The following RAB3C variants were observed in gnomAD, a reference collection of about 807,000 sequenced individuals.
RAB3C encodes ras-related protein Rab-3C.
RAB3C carries 17 observed loss-of-function variants against 26.4 expected under a neutral mutation model. The observed-to-expected ratio is 0.64, with a 90% CI of 0.44 to 0.97. The LOEUF is 0.97. Ranked by LOEUF, RAB3C falls within the 50% of genes least tolerant of loss-of-function variation. The pLI is 0.00. For synonymous variants in RAB3C, 91 were observed against 95.9 expected, an observed-to-expected ratio of 0.95 and a Z score of 0.30; for missense variants, 242 against 281.9, an observed-to-expected ratio of 0.86 and a Z score of 1.01.
At chr5:58,781,745 T>C (rs2112002488) in intron 3 of RAB3C, among the ~76,000 whole-genome samples, 1 of 152,160 alleles carries the variant, frequency 6.6e-6, no homozygotes, top group Middle Eastern at 3.4e-3. Flanking sequence ...ACCTACACTG[T>C]ATCTCTTCTC....
Position 58,583,319 on chromosome 5 carries a change from G to A in RAB3C, c.24+87G>A, listed in dbSNP as rs572186377. On this transcript the variant is annotated intron_variant, in intron 1 of 4. Coordinates refer to ENST00000282878, the MANE Select transcript of RAB3C (RefSeq NM_138453.4). The stretch of plus-strand genomic sequence containing the variant: ...CCGCGCACAAGCAGTTCAACGTAAG[G>A]AAAGGTCTAGGCGGTCACCCGCGGA... The A allele has an allele frequency of 5.6e-6, 9 of 1,596,176 alleles. No homozygotes were observed. In the South Asian group the frequency reaches 1.0e-4, roughly 18 times the overall value.
chr5:58,740,841 GAA>G (rs964190024), intron 3 of RAB3C, among the ~76,000 whole-genome samples: 2 of 148,456 alleles, frequency 1.3e-5, no homozygotes, highest in South Asian at 4.2e-4. Flanking sequence ...TATCTTAACA[GAA>G]AAAAAAAATC....
chr5:58,818,593 C>T (rs781246061), intron 3 of RAB3C, among the ~76,000 whole-genome samples: 2 of 152,176 alleles, frequency 1.3e-5, no homozygotes, highest in Non-Finnish European at 2.9e-5. Flanking sequence ...AGTTAACTGC[C>T]ATTTGCAGAG....
intron 3 of RAB3C, among the ~76,000 whole-genome samples, chr5:58,807,121 A>G (rs746968484): frequency 6.0e-4 from 92 of 152,324 alleles, no homozygotes; most frequent in Admixed American, 1.4e-3. Flanking sequence ...GGGTTGCTTT[A>G]ATCTGTATCT....
chr5:58,801,668 A>G (rs1200679185), intron 3 of RAB3C, among the ~76,000 whole-genome samples: 1 of 152,258 alleles, frequency 6.6e-6, no homozygotes, highest in East Asian at 1.9e-4. Flanking sequence ...CCAGAGGCCA[A>G]CTCTCTGGAG....
chr5:58,830,874 T>C (rs906531432), intron 4 of RAB3C, among the ~76,000 whole-genome samples: 5 of 101,950 alleles, frequency 4.9e-5, no homozygotes, highest in Non-Finnish European at 1.1e-4. Flanking sequence ...AGTCACGCAA[T>C]AGGTCTTTTT....
chr5:58,582,634 T>C (rs1291131230), upstream of RAB3C, among the ~76,000 whole-genome samples: 1 of 152,090 alleles, frequency 6.6e-6, no homozygotes, highest in Non-Finnish European at 1.5e-5. Context: ...TAAGGAAACG[T>C]AGAAACTTTC....
chr5:58,823,133 C>CTAA (rs1743381947), intron 3 of RAB3C: 17 of 407,268 alleles, frequency 4.2e-5, no homozygotes, highest in South Asian at 3.7e-4. Flanking sequence ...AGATTACATG[C>CTAA]ATTACCTAAT....
At chr5:58,809,874 A>T (rs1038717443) in intron 3 of RAB3C, among the ~76,000 whole-genome samples, 7 of 152,232 alleles carry the variant, frequency 4.6e-5, no homozygotes, top group African/African-American at 1.7e-4. Context: ...GCATTTTGTT[A>T]TAGCAGCCTG....
chr5:58,709,970 T>C (rs10472069), intron 2 of RAB3C, among the ~76,000 whole-genome samples: 18,202 of 152,230 alleles, frequency 0.12, 1,401 homozygotes, highest in Non-Finnish European at 0.17. Context: ...TTTGATATTG[T>C]ATAATCTCAT....
chr5:58,761,255 A>G (rs1741792188), intron 3 of RAB3C, among the ~76,000 whole-genome samples: 1 of 152,188 alleles, frequency 6.6e-6, no homozygotes, highest in Non-Finnish European at 1.5e-5. Context: ...GGAATTATTT[A>G]TTTTAGTAAA....
At chr5:58,672,874 A>G (rs899245357) in intron 2 of RAB3C, among the ~76,000 whole-genome samples, 7 of 152,210 alleles carry the variant, frequency 4.6e-5, no homozygotes, top group African/African-American at 1.7e-4. Flanking sequence ...TGCATCAGCC[A>G]CATTTATATG....
At chr5:58,631,890 T>A (rs774305437) in intron 2 of RAB3C, among the ~76,000 whole-genome samples, 1 of 152,254 alleles carries the variant, frequency 6.6e-6, no homozygotes, top group African/African-American at 2.4e-5. Flanking sequence ...TTTCTTACTT[T>A]GCTGTATGGC....
chr5:58,817,568 C>G (rs776859488), intron 3 of RAB3C, among the ~76,000 whole-genome samples: 1 of 151,880 alleles, frequency 6.6e-6, no homozygotes, highest in Non-Finnish European at 1.5e-5. Context: ...TGTAAATCAC[C>G]TGGAAGTACT....
chr5:58,617,906 G>A (rs775090130), intron 2 of RAB3C, 36 bp downstream of exon 2: 16 of 1,369,516 alleles, frequency 1.2e-5, no homozygotes, highest in Non-Finnish European at 1.6e-5. Flanking sequence ...TCTTCAGGCT[G>A]GGGTGTTGAA....
intron 3 of RAB3C, among the ~76,000 whole-genome samples, chr5:58,801,971 A>G (rs1267804354): frequency 1.3e-5 from 2 of 152,240 alleles, no homozygotes; most frequent in Non-Finnish European, 2.9e-5. Context: ...TAAAACCAGC[A>G]TCCAAACTGC....
intron 2 of RAB3C, among the ~76,000 whole-genome samples, chr5:58,708,259 G>A (rs1359143563): frequency 6.6e-6 from 1 of 152,144 alleles, no homozygotes; most frequent in Non-Finnish European, 1.5e-5. Flanking sequence ...CAAAGTGCTA[G>A]GATTACAGGC....
At chr5:58,694,801 T>G (rs1748661291) in intron 2 of RAB3C, among the ~76,000 whole-genome samples, 1 of 152,154 alleles carries the variant, frequency 6.6e-6, no homozygotes, top group African/African-American at 2.4e-5. Flanking sequence ...TTCTTGTAAA[T>G]TTGAGTTCTT....
chr5:58,678,528 ATC>A (rs914738521), intron 2 of RAB3C, among the ~76,000 whole-genome samples: 1 of 152,150 alleles, frequency 6.6e-6, no homozygotes, highest in Non-Finnish European at 1.5e-5. Context: ...TCAAGAGTTT[ATC>A]TCTCAGCAAA....
Sources: allele counts gnomAD v4.1 joint callset (sites outside exome capture counted in the v4.1 genomes callset), GRCh38; gene constraint gnomAD v4.1.1; transcripts MANE v1.5; gene names NCBI Gene and HGNC (gene_info 2026-07-23, HGNC 2026-07-21).